Variants in LILRB2 observed in about 807,000 individuals in gnomAD.
LILRB2 encodes leukocyte immunoglobulin-like receptor subfamily B member 2.
In LILRB2, 47 loss-of-function variants were observed where a neutral mutation model predicts 72.7. That is an observed-to-expected ratio of 0.65 (90% CI 0.51 to 0.82). The LOEUF (loss-of-function observed/expected upper bound fraction) is 0.82, where lower values mean the gene tolerates loss of function less well. Ranked by LOEUF, LILRB2 falls within the 40% of genes least tolerant of loss-of-function variation. The pLI, the probability that LILRB2 is intolerant of heterozygous loss-of-function variation, is 0.00. For synonymous variants in LILRB2, 279 were observed against 313.7 expected (o/e 0.89, Z 1.17); for missense variants, 767 against 764.8 (o/e 1.00, Z -0.03).
rs376090350 is a variant in LILRB2 at position 54,279,483 on chromosome 19, G to T, written c.520C>A (p.Arg174Ser). 1 of 1,614,148 alleles carries T rather than the reference G, an allele frequency of 6.2e-7. No individual in the cohort carries two copies. The highest frequency in any genetic ancestry group is 1.3e-5 in the African/African-American group (1 of 75,036). ...PQCLNSQPHA[R>S]GSSRAIFSVG... is the part of the protein sequence containing the mutation. ...GAGAAGATGGCGCGGGACGACCCAC[G>T]GGCATGGGGCTGGGAGTTCAGGCAT... The change falls in exon 5 of 14, where the codon CGT becomes AGT. Residue 174 changes from arginine to serine, a missense_variant. By Grantham distance (110) the Arg-to-Ser change is moderately radical (BLOSUM62 -1). Around this residue, in one of 3 missense-constraint regions of LILRB2, gnomAD observed 599 missense variants for 568.2 expected, o/e 1.05. Transcript: ENST00000314446.
Position 54,276,891 on chromosome 19 carries a change from C to G in LILRB2, c.1396G>C (p.Val466Leu). 6.2e-7 allele frequency: 1 copy of G among 1,614,018 alleles called. No individual in the cohort carries two copies. ...RHLGVVIGIL[V>L]AVVLLLLLLL... ...AGGAGGAGCAGTAGGACGACGGCCA[C>G]CAAGATGCCGATCACAACCCCCAGG... Residue 466 changes from valine (V) to leucine (L), a missense_variant, in exon 10 of 14, where the codon GTG becomes CTG. By Grantham distance (32) the Val-to-Leu change is conservative (BLOSUM62 1). Coordinates refer to ENST00000314446, the MANE Select transcript of LILRB2 (RefSeq NM_001080978.4).
chr19:54,275,708 C>G, intron 13 of LILRB2: 1 of 646,130 alleles, frequency 1.5e-6, no homozygotes. Flanking sequence ...GCCTGGGGAG[C>G]GCTCTAACAA....
At chr19:54,277,357 A>G in intron 9 of LILRB2, 193 bp downstream of exon 9, 1 of 1,195,142 alleles carries the variant, frequency 8.4e-7, no homozygotes, top group East Asian at 2.6e-5. Context: ...CCAGGAGGTC[A>G]CAGCTGGGAG....
Position 54,277,118 on chromosome 19 carries a change from G to A in LILRB2, c.1358-189C>T, listed in dbSNP as rs541318663. ...CAGAGAGGGGAATCGCCTGCCCCGG[G>A]CCCCCAGCCAGGAAGCGGCAGAGCT... On this transcript the variant is annotated intron_variant, in intron 9 of 13. Coordinates refer to ENST00000314446, the MANE Select transcript of LILRB2 (RefSeq NM_001080978.4). 99 of 1,496,550 alleles carry A rather than the reference G, an allele frequency of 6.6e-5. 1 individual carries two copies. In the African/African-American group the frequency reaches 1.2e-3, roughly 18 times the overall value. 92.7% of individuals were successfully genotyped at this position (1,496,550 alleles called of 1,614,324 possible).
In LILRB2 at chr19:54,279,334, G is replaced by A. The variant is rs2080428746; in HGVS notation, c.658+11C>T. On this transcript the variant is annotated intron_variant, in intron 5 of 13. Coordinates refer to ENST00000314446, the MANE Select transcript of LILRB2 (RefSeq NM_001080978.4). ...CTCAGGGAACTCCAGACAATGCTGTGAATTTCTCACCTGGGACCAGGAGCT... is the reference window on the plus strand; with the variant it reads ...CTCAGGGAACTCCAGACAATGCTGTAAATTTCTCACCTGGGACCAGGAGCT... The A allele has an allele frequency of 6.2e-7, 1 of 1,606,632 alleles. No individual in the cohort carries two copies. Among genetic ancestry groups the A allele is most frequent in the East Asian group, 2.2e-5 (1 of 44,806 alleles).
chr19:54,279,731 C>T (rs1177726144), intron 4 of LILRB2, 60 bp downstream of exon 4: 1 of 1,608,896 alleles, frequency 6.2e-7, no homozygotes, highest in African/African-American at 1.3e-5. Flanking sequence ...GGGAGACACC[C>T]CTGAGAGCCT....
At position 54,278,957 on chromosome 19, in the gene LILRB2, C is replaced by T. The variant is rs555182310; in HGVS notation, c.810G>A (p.Arg270=). ...CCTGGGAGAGCCCAGCCTGGGGCTGCCGGCCAGGGAGCTGGCGAAGGTCAC... is the reference window on the plus strand; with the variant it reads ...CCTGGGAGAGCCCAGCCTGGGGCTGTCGGCCAGGGAGCTGGCGAAGGTCAC... ...GERDLRQLPG[R]QPQAGLSQAN... The change falls in exon 6 of 14, where the codon CGG becomes CGA. Residue 270 remains arginine (R), a synonymous_variant. Transcript: ENST00000314446. The T allele has an allele frequency of 1.3e-3, 2,094 of 1,614,132 alleles. 6 individuals carry two copies. The South Asian group carries it at 0.022, about 17-fold the overall frequency.
Position 54,274,760 on chromosome 19 carries a change from C to T in LILRB2, c.1717G>A (p.Ala573Thr), listed in dbSNP as rs1569090764. ...QLHSLTLRRKATEPPPSQERE... is the reference protein window; with the variant it reads ...QLHSLTLRRKTTEPPPSQERE... ...TCCTGGGATGGAGGAGGCTCAGTTG[C>T]CTTCCGTCTGAGGGTCAAGCTGTGC... The change falls in exon 14 of 14, where the codon GCA becomes ACA. Residue 573 changes from alanine to threonine, a missense_variant. Around this residue, in one of 3 missense-constraint regions of LILRB2, gnomAD observed 162 missense variants for 176.7 expected, o/e 0.92. Transcript: ENST00000314446. The T allele has an allele frequency of 3.7e-6, 6 of 1,613,858 alleles. No homozygotes were observed. Among genetic ancestry groups the T allele is most frequent in the African/African-American group, 1.3e-5 (1 of 74,936 alleles).
Position 54,277,536 on chromosome 19 carries a change from AG to A in LILRB2, c.1357+13del. 1.3e-6 allele frequency: 2 copies of A among 1,564,204 alleles called. No homozygotes were observed. Among genetic ancestry groups the A allele is most frequent in the Non-Finnish European group, 1.7e-6 (2 of 1,153,260 alleles). On this transcript the variant is annotated intron_variant, in intron 9 of 13. Coordinates refer to ENST00000314446, the MANE Select transcript of LILRB2 (RefSeq NM_001080978.4). Reference sequence around the variant, plus strand: ...GGGACCCCGCCCACCTCCCACTCAGAGCCCCTCACTCACCACTTTGGGGATC... The same window carrying A: ...GGGACCCCGCCCACCTCCCACTCAGACCCCTCACTCACCACTTTGGGGATC...
In LILRB2 at chr19:54,278,319, A is replaced by T. The variant is rs4993130; in HGVS notation, c.1199T>A (p.Leu400His). 163 of 1,614,078 alleles carry T rather than the reference A, an allele frequency of 1.0e-4. No homozygotes were observed. The highest frequency in any genetic ancestry group is 8.3e-4 in the African/African-American group (62 of 75,032). The change falls in exon 7 of 14, where the codon CTC (leucine) becomes CAC (histidine). Residue 400 changes from leucine to histidine, a missense_variant. By Grantham distance (99) the Leu-to-His change is moderately conservative. This residue lies in a region of LILRB2 where 599 missense variants were observed against 568.2 expected (regional missense o/e 1.05). Coordinates refer to ENST00000314446, the MANE Select transcript of LILRB2 (RefSeq NM_001080978.4). ...AGACAGCAGGTAGGGGTCGGAGTTG[A>T]GTGAGCCGTAGCACCTGTAGGTCCC... ...HAGTYRCYGS[L>H]NSDPYLLSHP...
rs774098605 is a variant in LILRB2, at chr19:54,276,938, C to T, written c.1358-9G>A. On this transcript the variant is annotated splice_polypyrimidine_tract_variant and intron_variant, in intron 9 of 13. Coordinates refer to ENST00000314446, the MANE Select transcript of LILRB2 (RefSeq NM_001080978.4). ...CAGGTGCCTTCCCAGACCTTGAGCA[C>T]GATGATGTCAGGGATGGGGGTGATG... 54 of 1,612,448 alleles carry T rather than the reference C, an allele frequency of 3.3e-5. No individual in the cohort carries two copies. The highest frequency in any genetic ancestry group is 3.0e-4 in the South Asian group (27 of 90,906).
At chr19:54,277,775 C>G in intron 8 of LILRB2, 114 bp downstream of exon 8, 1 of 1,324,348 alleles carries the variant, frequency 7.6e-7, no homozygotes, top group African/African-American at 1.5e-5. Flanking sequence ...CTGCCCAGCT[C>G]CCTGGACAGA....
At chr19:54,276,950 G>A in intron 9 of LILRB2, 21 bp from the exon 10 acceptor site, 1 of 1,607,902 alleles carries the variant, frequency 6.2e-7, no homozygotes, top group Non-Finnish European at 8.5e-7. Flanking sequence ...ATGATGTCAG[G>A]GATGGGGGTG....
chr19:54,277,033 A>C lies in LILRB2; in HGVS notation c.1358-104T>G, dbSNP rs979387229. The C allele has an allele frequency of 7.2e-6, 11 of 1,521,658 alleles. No homozygotes were observed. In the African/African-American group the frequency reaches 1.4e-4, roughly 19 times the overall value. 94.3% of individuals were successfully genotyped at this position (1,521,658 alleles called of 1,614,324 possible). The stretch of plus-strand genomic sequence containing the variant: ...TCTGTTCACCACCTCCAACCCCCAC[A>C]ACAGTCGTGCAGCACACAAACATCC... On this transcript the variant is annotated intron_variant, in intron 9 of 13. Coordinates refer to ENST00000314446, the MANE Select transcript of LILRB2 (RefSeq NM_001080978.4).
At position 54,276,301 on chromosome 19, in the gene LILRB2, C is replaced by G. The variant is rs930049437; in HGVS notation, c.1557G>C (p.Arg519Ser). ...CCTGGGCGTCGGCAGCTGGGCTGGA[C>G]CTGGGGGAGGAATGGGAGCTTTAGG... Reference protein sequence around the residue: ...PEPTDRGLQWRSSPAADAQEE... With the variant: ...PEPTDRGLQWSSSPAADAQEE... The change falls in exon 12 of 14, where the codon AGG becomes AGC. Residue 519 changes from arginine to serine, a missense_variant and splice_region_variant. Coordinates refer to ENST00000314446, the MANE Select transcript of LILRB2 (RefSeq NM_001080978.4). The G allele has an allele frequency of 6.2e-7, 1 of 1,613,950 alleles. No individual in the cohort carries two copies. Among genetic ancestry groups the G allele is most frequent in the Non-Finnish European group, 8.5e-7 (1 of 1,180,028 alleles).
chr19:54,277,874 GC>G lies in LILRB2; in HGVS notation c.1309+14del. On this transcript the variant is annotated intron_variant, in intron 8 of 13. Coordinates refer to ENST00000314446, the MANE Select transcript of LILRB2 (RefSeq NM_001080978.4). ...TCGCTGCGCTCCCTTCGAGCCAGAG[GC>G]CTCAGGGACTCACCAGGTGTGGAGA... 1 of 1,543,512 alleles carries G rather than the reference GC, an allele frequency of 6.5e-7. No homozygotes were observed. Among genetic ancestry groups the G allele is most frequent in the South Asian group, 1.2e-5 (1 of 83,840 alleles).
At position 54,279,701 on chromosome 19, in the gene LILRB2, C is replaced by T. The variant is rs555897226; in HGVS notation, c.356-54G>A. 3 of 1,596,488 alleles carry T rather than the reference C, an allele frequency of 1.9e-6. No individual in the cohort carries two copies. In the East Asian group the frequency reaches 6.7e-5, roughly 36 times the overall value. ...TGGGGCTCCCACCTCCCACATCATC[C>T]CCAGGGCTGGGCTGTGAGAGGGAGA... On this transcript the variant is annotated intron_variant, in intron 4 of 13. Coordinates refer to ENST00000314446, the MANE Select transcript of LILRB2 (RefSeq NM_001080978.4).
Position 54,278,988 on chromosome 19 carries a change from C to T in LILRB2, c.779G>A (p.Gly260Glu). 1 of 1,614,224 alleles carries T rather than the reference C, an allele frequency of 6.2e-7. No homozygotes were observed. Among genetic ancestry groups the T allele is most frequent in the Non-Finnish European group, 8.5e-7 (1 of 1,180,020 alleles). ...GYDRFVLYKE[G>E]ERDLRQLPGR... ...AGGGAGCTGGCGAAGGTCACGTTCC[C>T]CCTCCTTGTACAGAACAAATCTGTC... Residue 260 changes from glycine (G) to glutamate (E), a missense_variant, in exon 6 of 14, where the codon GGG becomes GAG. Physicochemically the swap from Gly to Glu is moderately conservative, Grantham distance 98 (BLOSUM62 -2). Transcript: ENST00000314446.
chr19:54,277,079 G>A, intron 9 of LILRB2, 150 bp from the exon 10 acceptor site: 1 of 1,511,666 alleles, frequency 6.6e-7, no homozygotes, highest in Non-Finnish European at 9.0e-7. Context: ...CTCTACAGAT[G>A]AAAAACTGAC....
Sources: gnomAD v4.1 joint callset for allele counts on GRCh38, gnomAD v4.1.1 for gene constraint, gnomAD v4.1.1 regional missense constraint, MANE v1.5 for transcripts, NCBI Gene and HGNC (gene_info 2026-07-23, HGNC 2026-07-21) for gene names.